The following ADCY10 variants were observed in gnomAD, a reference collection of about 807,000 sequenced individuals.
The protein encoded by ADCY10 is adenylate cyclase 10, also known as adenylate cyclase type 10.
ADCY10 carries 156 observed loss-of-function variants against 183.3 expected under a neutral mutation model. The observed-to-expected ratio is 0.85, with a 90% CI of 0.75 to 0.97. The LOEUF (loss-of-function observed/expected upper bound fraction) is 0.97, where lower values mean the gene tolerates loss of function less well. ADCY10 is among the 50% of genes least tolerant of loss of function. The pLI, the probability that ADCY10 is intolerant of heterozygous loss-of-function variation, is 0.00. For missense variants in ADCY10, 1,745 were observed against 1,934.3 expected (o/e 0.90, Z 1.84); for synonymous variants, 645 against 670.0 (o/e 0.96, Z 0.58).
rs748019277 is a variant in ADCY10, at chr1:167,810,859, G to C, written c.4537C>G (p.Leu1513Val). 2.5e-6 allele frequency: 4 copies of C among 1,614,022 alleles called. No individual in the cohort carries two copies. The highest frequency in any genetic ancestry group is 3.4e-6 in the Non-Finnish European group (4 of 1,180,036). Residue 1513 changes from leucine (L) to valine (V), a missense_variant, in exon 32 of 33, where the codon CTC (leucine) becomes GTC (valine). Transcript: ENST00000367851. The part of the protein sequence containing the change: ...NTTGPVFCPR[L>V]YHLMAYVCIL... ...CAGACGTAAGCCATCAGGTGGTAGA[G>C]CCTTGGGCAAAAGACAGGGCCAGTG...
At chr1:167,897,678 G>A (rs12097210) in intron 6 of ADCY10, among the ~76,000 whole-genome samples, 3,168 of 3,168 alleles carry the variant, frequency 1, 1,584 homozygotes, top group Non-Finnish European at 1. Flanking sequence ...AAGTGCTGTT[G>A]CAGACTGCAG....
chr1:167,869,074 C>T (rs1167145109), intron 14 of ADCY10, among the ~76,000 whole-genome samples: 1 of 152,118 alleles, frequency 6.6e-6, no homozygotes, highest in Admixed American at 6.5e-5. Flanking sequence ...TAGTTAAAGA[C>T]GTAGTTAAAG....
intron 21 of ADCY10, among the ~76,000 whole-genome samples, chr1:167,842,509 T>C (rs1279525135): frequency 1.3e-5 from 2 of 151,694 alleles, no homozygotes; most frequent in East Asian, 3.9e-4. Flanking sequence ...CTCCACACTT[T>C]GGGAGGTTCA....
chr1:167,813,655 C>T (rs990414006), intron 31 of ADCY10, among the ~76,000 whole-genome samples: 3 of 152,144 alleles, frequency 2.0e-5, no homozygotes, highest in Admixed American at 6.5e-5. Flanking sequence ...ATTGTAATAA[C>T]AGTTTGTAAC....
At position 167,834,367 on chromosome 1, in the gene ADCY10, C is replaced by T. The variant is rs756742393; in HGVS notation, c.3310-290G>A. 1.0e-4 allele frequency: 49 copies of T among 486,472 alleles called. No individual in the cohort carries two copies. The Middle Eastern group carries it at 1.2e-3, about 12-fold the overall frequency. 30.1% of individuals were successfully genotyped at this position (486,472 alleles called of 1,614,324 possible). ...ACACTATCATCTAGGTTGCCTTACCCGAAGTTTCCCTCAAGCCAGTTTCTT... is the reference window on the plus strand; with the variant it reads ...ACACTATCATCTAGGTTGCCTTACCTGAAGTTTCCCTCAAGCCAGTTTCTT... On this transcript the variant is annotated intron_variant, in intron 23 of 32. Coordinates refer to ENST00000367851, the MANE Select transcript of ADCY10 (RefSeq NM_018417.6).
In ADCY10 at chr1:167,903,954, C is replaced by A. The variant is rs1557835285; in HGVS notation, c.186G>T (p.Met62Ile). Residue 62 changes from methionine (M) to isoleucine (I), a missense_variant, in exon 3 of 33, where the codon ATG becomes ATT. Physicochemically the swap from Met to Ile is conservative, Grantham distance 10 (BLOSUM62 1). Transcript: ENST00000367851. ...ACTGCTCAGCCCCTCTGTCCATGTA[C>A]ATGGCACTGCTGAACTTCTCAGTCA... ...TAMTEKFSSA[M>I]YMDRGAEQLV... is the part of the protein sequence containing the mutation. 6.2e-7 allele frequency: 1 copy of A among 1,613,998 alleles called. No homozygotes were observed. The highest frequency in any genetic ancestry group is 2.2e-5 in the East Asian group (1 of 44,864).
At chr1:167,875,986 G>C (rs931678350) in intron 12 of ADCY10, among the ~76,000 whole-genome samples, 4 of 152,128 alleles carry the variant, frequency 2.6e-5, no homozygotes, top group African/African-American at 9.7e-5. Flanking sequence ...GCCAGGCACG[G>C]TGGCTCATGC....
In ADCY10 at chr1:167,833,171, A is replaced by C. The variant is rs1365331694; in HGVS notation, c.3418-9T>G. 6.2e-7 allele frequency: 1 copy of C among 1,613,582 alleles called. No homozygotes were observed. On this transcript the variant is annotated splice_polypyrimidine_tract_variant and intron_variant, in intron 24 of 32. Transcript: ENST00000367851. The stretch of plus-strand genomic sequence containing the variant: ...CCCATATTGAAACAGACCTACAGGG[A>C]GGTGGGAGGGAAGAGAGGAAAAGAG...
At chr1:167,847,367 C>G (rs1024329695) in intron 19 of ADCY10, among the ~76,000 whole-genome samples, 8 of 152,096 alleles carry the variant, frequency 5.3e-5, no homozygotes. Context: ...CTAAAACATT[C>G]CTTGAAAGTC....
At chr1:167,881,058 A>G (rs1336205140) in intron 9 of ADCY10, among the ~76,000 whole-genome samples, 1 of 152,234 alleles carries the variant, frequency 6.6e-6, no homozygotes, top group Non-Finnish European at 1.5e-5. Flanking sequence ...CTCTCTGAAA[A>G]TGGATATACT....
intron 7 of ADCY10, among the ~76,000 whole-genome samples, chr1:167,894,197 C>T (rs1197139004): frequency 6.6e-6 from 1 of 152,108 alleles, no homozygotes; most frequent in Admixed American, 6.6e-5. Flanking sequence ...CGCTTTGGGA[C>T]TTAGGGAGAT....
chr1:167,832,017 T>G (rs1663773217), intron 25 of ADCY10, among the ~76,000 whole-genome samples: 1 of 152,150 alleles, frequency 6.6e-6, no homozygotes, highest in Non-Finnish European at 1.5e-5. Context: ...CCATTACATT[T>G]CCTTTTCACC....
At chr1:167,825,957 A>G (rs1663259611) in intron 26 of ADCY10, among the ~76,000 whole-genome samples, 1 of 152,220 alleles carries the variant, frequency 6.6e-6, no homozygotes. Flanking sequence ...AAAACAAAAT[A>G]ATACATGTAA....
In ADCY10 at chr1:167,829,421, T is replaced by G. The variant is rs762846922; in HGVS notation, c.3596A>C (p.Lys1199Thr). 1.9e-6 allele frequency: 3 copies of G among 1,614,108 alleles called. No homozygotes were observed. The highest frequency in any genetic ancestry group is 1.7e-6 in the Non-Finnish European group (2 of 1,179,974). Residue 1199 changes from lysine (K) to threonine (T), a missense_variant and splice_region_variant, in exon 26 of 33, where the codon AAG becomes ACG. Lys to Thr is a moderately conservative substitution (Grantham distance 78, BLOSUM62 -1). Coordinates refer to ENST00000367851, the MANE Select transcript of ADCY10 (RefSeq NM_018417.6). ...RQAQESPPPG[K>T]KRLAQLYRQT... ...CCGGTAAAGTTGTGCCAGCCTCTTC[T>G]TCCTATTGGATAAGGTAAACACAAA...
At chr1:167,878,840 T>C (rs1667678353) in intron 11 of ADCY10, among the ~76,000 whole-genome samples, 1 of 152,174 alleles carries the variant, frequency 6.6e-6, no homozygotes, top group African/African-American at 2.4e-5. Context: ...TTAGCAAAGT[T>C]TCTGCCTCAC....
chr1:167,821,614 C>T (rs1662918099), intron 30 of ADCY10, among the ~76,000 whole-genome samples: 3 of 152,178 alleles, frequency 2.0e-5, no homozygotes, highest in Non-Finnish European at 2.9e-5. Flanking sequence ...AGCCCGCTTT[C>T]GTGAAGATAT....
chr1:167,908,990 C>T (rs890628075), intron 1 of ADCY10, among the ~76,000 whole-genome samples: 28 of 152,126 alleles, frequency 1.8e-4, no homozygotes, highest in African/African-American at 6.3e-4. Flanking sequence ...TGAGCAAATC[C>T]GTGTAATACC....
chr1:167,912,437 C>T (rs1670211656), intron 1 of ADCY10, among the ~76,000 whole-genome samples: 1 of 152,212 alleles, frequency 6.6e-6, no homozygotes, highest in South Asian at 2.1e-4. Context: ...GTGTGTAGAA[C>T]ATCATGGCAC....
intron 8 of ADCY10, among the ~76,000 whole-genome samples, chr1:167,887,609 G>A (rs1299579691): frequency 6.6e-6 from 1 of 151,966 alleles, no homozygotes; most frequent in Non-Finnish European, 1.5e-5. Flanking sequence ...ATGAGTTAAT[G>A]GGTGCAGCAT....
Sources: allele counts gnomAD v4.1 joint callset (sites outside exome capture counted in the v4.1 genomes callset), GRCh38; gene constraint gnomAD v4.1.1; transcripts MANE v1.5; gene names NCBI Gene and HGNC (gene_info 2026-07-23, HGNC 2026-07-21).